The following STAG1 variants were observed in gnomAD, a reference collection of about 807,000 sequenced individuals.
STAG1 encodes STAG1 cohesin complex component.
In STAG1, 26 loss-of-function variants were observed where a neutral mutation model predicts 170.9. The observed-to-expected ratio is 0.15, with a 90% CI of 0.11 to 0.21. STAG1 has a LOEUF of 0.21. Ranked by LOEUF, STAG1 falls within the 10% of genes least tolerant of loss-of-function variation. STAG1 has a pLI of 1.00. For missense variants in STAG1, 964 were observed against 1,509.5 expected (o/e 0.64, Z 5.99); for synonymous variants, 514 against 497.7 (o/e 1.03, Z -0.44).
intron 4 of STAG1, among the ~76,000 whole-genome samples, chr3:136,582,119 G>A (rs1449361007): frequency 6.6e-6 from 1 of 150,508 alleles, no homozygotes; most frequent in African/African-American, 2.4e-5. Flanking sequence ...TTTTACAGTG[G>A]AAGGTGCTAA....
intron 1 of STAG1, among the ~76,000 whole-genome samples, chr3:136,693,300 G>A (rs927100305): frequency 2.0e-5 from 3 of 152,114 alleles, no homozygotes; most frequent in African/African-American, 7.2e-5. Context: ...GAGACTGGTG[G>A]GGCTGAGGAC....
At chr3:136,424,383 G>A (rs1172247677) in intron 16 of STAG1, among the ~76,000 whole-genome samples, 1 of 147,250 alleles carries the variant, frequency 6.8e-6, no homozygotes, top group Admixed American at 6.8e-5. Context: ...AGGCTGGAGT[G>A]CAATGGCGCG....
At chr3:136,397,955 C>CT (rs1279839273) in intron 22 of STAG1, among the ~76,000 whole-genome samples, 1 of 151,054 alleles carries the variant, frequency 6.6e-6, no homozygotes, top group Non-Finnish European at 1.5e-5. Flanking sequence ...TGATGTTATT[C>CT]TTTTTTTTGA....
chr3:136,401,427 A>G (rs1404738706), intron 21 of STAG1, among the ~76,000 whole-genome samples: 2 of 152,198 alleles, frequency 1.3e-5, no homozygotes, highest in African/African-American at 2.4e-5. Flanking sequence ...ATCATACAGT[A>G]TGTGTATGTA....
intron 5 of STAG1, among the ~76,000 whole-genome samples, chr3:136,547,425 T>C (rs960702118): frequency 6.6e-6 from 1 of 152,184 alleles, no homozygotes; most frequent in African/African-American, 2.4e-5. Flanking sequence ...TCAGACTGTT[T>C]ATCTCTAGAA....
chr3:136,429,143 A>G (rs2088219059), intron 16 of STAG1, among the ~76,000 whole-genome samples: 1 of 151,558 alleles, frequency 6.6e-6, no homozygotes, highest in Non-Finnish European at 1.5e-5. Context: ...GAGGTGGCTC[A>G]CACCTGTAAT....
At chr3:136,393,969 T>C (rs980591347) in intron 22 of STAG1, among the ~76,000 whole-genome samples, 2 of 152,188 alleles carry the variant, frequency 1.3e-5, no homozygotes, top group Non-Finnish European at 1.5e-5. Context: ...TGATGCAATC[T>C]TGGCTCACTG....
At chr3:136,399,918 G>C (rs2087269925) in intron 21 of STAG1, among the ~76,000 whole-genome samples, 1 of 152,020 alleles carries the variant, frequency 6.6e-6, no homozygotes, top group East Asian at 1.9e-4. Context: ...TTTCTGAAAA[G>C]AAACAAACTT....
At chr3:136,724,035 C>G (rs1933504116) in intron 1 of STAG1, among the ~76,000 whole-genome samples, 2 of 151,592 alleles carry the variant, frequency 1.3e-5, no homozygotes, top group South Asian at 4.2e-4. Context: ...AGGGGCGCCT[C>G]TGCCCGGCCG....
At chr3:136,693,174 A>C (rs1328991039) in intron 1 of STAG1, among the ~76,000 whole-genome samples, 2 of 152,242 alleles carry the variant, frequency 1.3e-5, no homozygotes, top group Non-Finnish European at 2.9e-5. Flanking sequence ...AAAGGGATGA[A>C]TATCCTGTAA....
rs116551710 is a variant in STAG1, at chr3:136,370,117, T to C, written c.2371-835A>G. 7.2e-3 allele frequency among the ~76,000 whole-genome samples: 1,091 copies of C among 152,194 alleles called. 22 individuals are homozygous for C. Among genetic ancestry groups the C allele is most frequent in the African/African-American group, 0.024 (983 of 41,512 alleles). On this transcript the variant is annotated intron_variant, in intron 23 of 33. Coordinates refer to ENST00000383202, the MANE Select transcript of STAG1 (RefSeq NM_005862.3). The stretch of plus-strand genomic sequence containing the variant: ...TATACTAATTTCTATTCTATACTTT[T>C]AATCATGATTTTAGAGTGTACTCCT...
At chr3:136,437,741 A>T (rs2088500282) in intron 15 of STAG1, among the ~76,000 whole-genome samples, 1 of 152,116 alleles carries the variant, frequency 6.6e-6, no homozygotes, top group Non-Finnish European at 1.5e-5. Context: ...TGCAAAGGTT[A>T]TAATTATCTC....
chr3:136,743,381 T>TA (rs1363795116), intron 1 of STAG1, among the ~76,000 whole-genome samples: 4 of 149,718 alleles, frequency 2.7e-5, no homozygotes, highest in Non-Finnish European at 5.9e-5. Context: ...AAAAAAAAAA[T>TA]AATAATAACA....
intron 3 of STAG1, among the ~76,000 whole-genome samples, chr3:136,620,708 C>G (rs1939803176): frequency 6.6e-6 from 1 of 152,138 alleles, no homozygotes; most frequent in African/African-American, 2.4e-5. Flanking sequence ...TACAGACAGC[C>G]ATGTGAACTA....
intron 1 of STAG1, among the ~76,000 whole-genome samples, chr3:136,739,441 G>A (rs1267347771): frequency 6.8e-6 from 1 of 147,682 alleles, no homozygotes; most frequent in Non-Finnish European, 1.5e-5. Context: ...GAGGTGAGAG[G>A]TTGAGGCTGC....
At chr3:136,412,831 T>C (rs2087663339) in intron 21 of STAG1, among the ~76,000 whole-genome samples, 3 of 151,518 alleles carry the variant, frequency 2.0e-5, no homozygotes, top group African/African-American at 7.3e-5. Context: ...TGAAAAAAAA[T>C]TGTTAAAGGT....
At chr3:136,403,680 G>A (rs934704754) in intron 21 of STAG1, among the ~76,000 whole-genome samples, 1 of 152,046 alleles carries the variant, frequency 6.6e-6, no homozygotes, top group African/African-American at 2.4e-5. Context: ...CTTTATTTTG[G>A]TTATGTCATT....
Position 136,472,503 on chromosome 3 carries a change from A to G in STAG1, c.1126-11T>C, listed in dbSNP as rs2089651025. The G allele has an allele frequency of 6.2e-7, 1 of 1,608,716 alleles. No individual in the cohort carries two copies. Among genetic ancestry groups the G allele is most frequent in the Admixed American group, 1.7e-5 (1 of 59,464 alleles). On this transcript the variant is annotated splice_polypyrimidine_tract_variant and intron_variant, in intron 11 of 33. Transcript: ENST00000383202. ...TGATACAATGCGATCCTGAGAAAAAAAAGTTGTAAAACAAACCAACTATGA... is the reference window on the plus strand; with the variant it reads ...TGATACAATGCGATCCTGAGAAAAAGAAGTTGTAAAACAAACCAACTATGA...
At chr3:136,712,761 T>C (rs1457957838) in intron 1 of STAG1, among the ~76,000 whole-genome samples, 1 of 152,188 alleles carries the variant, frequency 6.6e-6, no homozygotes, top group Non-Finnish European at 1.5e-5. Flanking sequence ...ATCTTAGATA[T>C]ATATCCAACA....
Sources: allele counts gnomAD v4.1 joint callset (sites outside exome capture counted in the v4.1 genomes callset), GRCh38; gene constraint gnomAD v4.1.1; transcripts MANE v1.5; gene names NCBI Gene and HGNC (gene_info 2026-07-23, HGNC 2026-07-21).